Variants in RASA2 observed in about 807,000 individuals in gnomAD.
The protein encoded by RASA2 is RAS p21 protein activator 2.
A neutral mutation model predicts 118.2 loss-of-function variants in RASA2; 155 were observed. That is an observed-to-expected ratio of 1.31 (90% CI 1.15 to 1.50). The LOEUF (loss-of-function observed/expected upper bound fraction) is 1.50, where lower values mean the gene tolerates loss of function less well. Ranked by LOEUF, RASA2 falls within the 40% of genes most tolerant of loss-of-function variation. The pLI is 0.00. For synonymous variants in RASA2, 353 were observed against 349.1 expected, an observed-to-expected ratio of 1.01 and a Z score of -0.12; for missense variants, 1,016 against 1,009.6, an observed-to-expected ratio of 1.01 and a Z score of -0.09.
intron 5 of RASA2, among the ~76,000 whole-genome samples, chr3:141,548,801 G>A (rs905999415): frequency 2.6e-5 from 4 of 152,040 alleles, no homozygotes; most frequent in African/African-American, 9.7e-5. Flanking sequence ...CTGTGTTCCT[G>A]TTTTCACTTC....
rs1396276872 is a variant in RASA2 at position 141,600,461 on chromosome 3, C to G, written c.1934-7217C>G. ...ATTCTAATAAGGAGCAGGTTGCGCTCCTTATTAGACAGCTCGGCGACCTAC... is the reference window on the plus strand; with the variant it reads ...ATTCTAATAAGGAGCAGGTTGCGCTGCTTATTAGACAGCTCGGCGACCTAC... On this transcript the variant is annotated intron_variant, in intron 19 of 23. Transcript: ENST00000286364. The G allele has an allele frequency of 3.3e-5, 12 of 360,110 alleles. No homozygotes were observed. The Admixed American group carries it at 4.4e-4, about 13-fold the overall frequency. 22.3% of individuals were successfully genotyped at this position (360,110 alleles called of 1,614,324 possible). A position where few individuals can be genotyped will look rare whatever the true frequency, so the allele number is the denominator to read the frequency against.
At chr3:141,609,653 A>G in intron 22 of RASA2, 130 bp downstream of exon 22, 2 of 865,932 alleles carry the variant, frequency 2.3e-6, no homozygotes, top group East Asian at 2.9e-5. Context: ...AAAGTTGACA[A>G]ACCCACAGAG....
chr3:141,531,709 C>A (rs2082263392), intron 4 of RASA2, among the ~76,000 whole-genome samples: 3 of 151,832 alleles, frequency 2.0e-5, no homozygotes, highest in Non-Finnish European at 4.4e-5. Flanking sequence ...ACTCTTTTGT[C>A]TTAAATGATA....
chr3:141,540,540 T>A lies in RASA2; in HGVS notation c.458T>A (p.Val153Asp). The A allele has an allele frequency of 6.2e-7, 1 of 1,611,146 alleles. No individual in the cohort carries two copies. The highest frequency in any genetic ancestry group is 8.5e-7 in the Non-Finnish European group (1 of 1,177,700). Reference sequence around the variant, plus strand: ...ATCTTTTTGTCATTATAGGGTAAAGTTCACCTTGAATTAAAACTGAATGAA... The same window carrying A: ...ATCTTTTTGTCATTATAGGGTAAAGATCACCTTGAATTAAAACTGAATGAA... ...VDSNSEVQGK[V>D]HLELKLNELI... Residue 153 changes from valine (V) to aspartate (D), a missense_variant, in exon 5 of 24, where the codon GTT (valine) becomes GAT (aspartate). Coordinates refer to ENST00000286364, the MANE Select transcript of RASA2 (RefSeq NM_006506.5).
chr3:141,600,279 C>A, intron 19 of RASA2: 1 of 536,360 alleles, frequency 1.9e-6, no homozygotes, highest in Non-Finnish European at 3.8e-6. Context: ...AGTTTTCAGC[C>A]CCTTCTACTG....
At chr3:141,521,780 T>C (rs973171869) in intron 3 of RASA2, among the ~76,000 whole-genome samples, 4 of 152,106 alleles carry the variant, frequency 2.6e-5, no homozygotes, top group South Asian at 2.1e-4. Context: ...GCATATAGAG[T>C]TATTATTAAA....
intron 19 of RASA2, among the ~76,000 whole-genome samples, chr3:141,592,962 A>T (rs1577803552): frequency 6.6e-6 from 1 of 152,154 alleles, no homozygotes; most frequent in South Asian, 2.1e-4. Flanking sequence ...ACTAACTCTT[A>T]TAGATAACAA....
intron 1 of RASA2, among the ~76,000 whole-genome samples, chr3:141,496,789 A>G (rs2081708832): frequency 6.6e-6 from 1 of 152,186 alleles, no homozygotes; most frequent in Admixed American, 6.5e-5. Context: ...TAGAAATACC[A>G]TTTGACCCAG....
chr3:141,499,819 G>C (rs777024026), intron 1 of RASA2, among the ~76,000 whole-genome samples: 1 of 152,144 alleles, frequency 6.6e-6, no homozygotes, highest in Admixed American at 6.5e-5. Context: ...GGATGGTCTC[G>C]ATCTCCTGAC....
Position 141,558,937 on chromosome 3 carries a change from G to T in RASA2, c.736G>T (p.Glu246Ter). 6.2e-7 allele frequency: 1 copy of T among 1,606,686 alleles called. No homozygotes were observed. The change falls in exon 8 of 24, where the codon GAG becomes TAG. Residue 246 changes from glutamate (E) to a stop codon, truncating the protein, a stop_gained. Coordinates refer to ENST00000286364, the MANE Select transcript of RASA2 (RefSeq NM_006506.5). LOFTEE classifies it high-confidence loss of function. The stretch of plus-strand genomic sequence containing the variant: ...AAAGTCCCAGTTCCAGGTAGAAGAG[G>T]AGGACATTGAAAAGCTAGAAATCAG... Reference protein sequence around the residue: ...TRKSQFQVEEEDIEKLEIRID... With the variant: ...TRKSQFQVEE
At chr3:141,536,856 T>G (rs2082334484) in intron 4 of RASA2, among the ~76,000 whole-genome samples, 1 of 151,474 alleles carries the variant, frequency 6.6e-6, no homozygotes. Context: ...CAAGTGATTC[T>G]CCTGCCTCAG....
At chr3:141,567,590 A>G (rs1268889690) in intron 9 of RASA2, among the ~76,000 whole-genome samples, 1 of 152,180 alleles carries the variant, frequency 6.6e-6, no homozygotes, top group East Asian at 1.9e-4. Flanking sequence ...TGTATTTTAC[A>G]TGTATTCACA....
At chr3:141,607,638 G>T in intron 19 of RASA2, 40 bp from the exon 20 acceptor site, 1 of 1,522,300 alleles carries the variant, frequency 6.6e-7, no homozygotes, top group South Asian at 1.3e-5. Flanking sequence ...AATTCTGATG[G>T]AAATTACTTT....
rs113026377 is a variant in RASA2, at chr3:141,495,445, T to C, written c.133+8229T>C. 8.6e-3 allele frequency among the ~76,000 whole-genome samples: 1,306 copies of C among 152,262 alleles called. 22 individuals carry two copies. The highest frequency in any genetic ancestry group is 0.025 in the African/African-American group (1,050 of 41,560). Reference sequence around the variant, plus strand: ...CCATTAGAAAAATAAAGGATACGAATAGGCATCTCACAGGAAAGGAAATAC... The same window carrying C: ...CCATTAGAAAAATAAAGGATACGAACAGGCATCTCACAGGAAAGGAAATAC... On this transcript the variant is annotated intron_variant, in intron 1 of 23. Coordinates refer to ENST00000286364, the MANE Select transcript of RASA2 (RefSeq NM_006506.5).
At chr3:141,595,684 G>C (rs1409512217) in intron 19 of RASA2, among the ~76,000 whole-genome samples, 3 of 151,236 alleles carry the variant, frequency 2.0e-5, no homozygotes, top group Non-Finnish European at 4.4e-5. Flanking sequence ...TCCCAAGCTG[G>C]AGTGCACAGA....
At chr3:141,489,498 G>A (rs1375052790) in intron 1 of RASA2, among the ~76,000 whole-genome samples, 1 of 152,210 alleles carries the variant, frequency 6.6e-6, no homozygotes, top group East Asian at 1.9e-4. Context: ...AACCGTGTCA[G>A]CTTTTCTCTT....
At chr3:141,574,380 G>A (rs1430175394) in intron 14 of RASA2, among the ~76,000 whole-genome samples, 1 of 151,546 alleles carries the variant, frequency 6.6e-6, no homozygotes, top group Non-Finnish European at 1.5e-5. Flanking sequence ...TAGTAGAGAC[G>A]GGGTTTCACC....
chr3:141,536,113 T>A (rs1940190438), intron 4 of RASA2, among the ~76,000 whole-genome samples: 1 of 152,176 alleles, frequency 6.6e-6, no homozygotes. Context: ...ATTAGCCCAT[T>A]TTCACGCTGC....
At chr3:141,496,543 A>G (rs1459181410) in intron 1 of RASA2, among the ~76,000 whole-genome samples, 1 of 152,258 alleles carries the variant, frequency 6.6e-6, no homozygotes, top group African/African-American at 2.4e-5. Context: ...ACATTTATGC[A>G]GCCAACAGAC....
Sources: allele counts gnomAD v4.1 joint callset (sites outside exome capture counted in the v4.1 genomes callset), GRCh38; gene constraint gnomAD v4.1.1; transcripts MANE v1.5; gene names NCBI Gene and HGNC (gene_info 2026-07-23, HGNC 2026-07-21).